The following STK32B variants were observed in gnomAD, a reference collection of about 807,000 sequenced individuals.
STK32B encodes serine/threonine-protein kinase 32B.
STK32B carries 43 observed loss-of-function variants against 52.6 expected under a neutral mutation model. The observed-to-expected ratio is 0.82, with a 90% CI of 0.64 to 1.05. STK32B has a LOEUF of 1.05. Ranked by LOEUF, STK32B falls within the 50% of genes least tolerant of loss-of-function variation. The pLI, the probability that STK32B is intolerant of heterozygous loss-of-function variation, is 0.00. For synonymous variants in STK32B, 238 were observed against 204.3 expected, an observed-to-expected ratio of 1.17 and a Z score of -1.41; for missense variants, 621 against 534.6, an observed-to-expected ratio of 1.16 and a Z score of -1.59.
At chr4:5,188,428 C>T (rs1014802959) in intron 3 of STK32B, among the ~76,000 whole-genome samples, 4 of 152,318 alleles carry the variant, frequency 2.6e-5, no homozygotes, top group Middle Eastern at 3.4e-3. Flanking sequence ...GTTTCCCTGA[C>T]GTCAGGCGCA....
chr4:5,411,876 C>A (rs561415508), intron 5 of STK32B, among the ~76,000 whole-genome samples: 1 of 152,134 alleles, frequency 6.6e-6, no homozygotes, highest in Non-Finnish European at 1.5e-5. Context: ...CCCAAACTGA[C>A]TAAGACATAG....
intron 3 of STK32B, among the ~76,000 whole-genome samples, chr4:5,254,010 C>G (rs1360220725): frequency 1.3e-5 from 2 of 152,138 alleles, no homozygotes; most frequent in Non-Finnish European, 2.9e-5. Context: ...TGGTCTTGAA[C>G]TCCTGACCTC....
At chr4:5,265,663 CTTAAAA>C (rs1727011470) in intron 3 of STK32B, among the ~76,000 whole-genome samples, 1 of 152,180 alleles carries the variant, frequency 6.6e-6, no homozygotes, top group East Asian at 1.9e-4. Flanking sequence ...TATTTATTAA[CTTAAAA>C]TTAAATATGC....
At chr4:5,443,210 G>A (rs550816315) in intron 6 of STK32B, among the ~76,000 whole-genome samples, 249 of 147,416 alleles carry the variant, frequency 1.7e-3, no homozygotes, top group Non-Finnish European at 3.0e-3. Flanking sequence ...TTTCCAACTT[G>A]GTTCCATTCT....
At chr4:5,337,144 A>C in intron 4 of STK32B, among the ~76,000 whole-genome samples, 1 of 39,708 alleles carries the variant, frequency 2.5e-5, no homozygotes, top group African/African-American at 6.5e-5. Flanking sequence ...ATCCCTGGCC[A>C]ATTTTTTTTT....
At chr4:5,218,803 T>C (rs1468434351) in intron 3 of STK32B, among the ~76,000 whole-genome samples, 2 of 152,230 alleles carry the variant, frequency 1.3e-5, no homozygotes, top group African/African-American at 4.8e-5. Context: ...TCAAGTGTTC[T>C]CCTGCTTTTG....
intron 11 of STK32B, among the ~76,000 whole-genome samples, chr4:5,488,902 A>G (rs73212755): frequency 0.088 from 13,330 of 152,094 alleles, 1,043 homozygotes; most frequent in African/African-American, 0.21. Context: ...TCAATAAAGA[A>G]TATATTTTAT....
chr4:5,385,523 G>T (rs757604247), intron 4 of STK32B, among the ~76,000 whole-genome samples: 1 of 152,012 alleles, frequency 6.6e-6, no homozygotes, highest in African/African-American at 2.4e-5. Context: ...GCTACATCAG[G>T]AAAGGCAGTG....
chr4:5,253,215 A>G (rs1726061418), intron 3 of STK32B, among the ~76,000 whole-genome samples: 1 of 152,132 alleles, frequency 6.6e-6, no homozygotes, highest in Non-Finnish European at 1.5e-5. Context: ...CCCTCTGTCT[A>G]GAGGGAGTTC....
intron 3 of STK32B, among the ~76,000 whole-genome samples, chr4:5,321,600 A>C (rs1731495555): frequency 6.6e-6 from 1 of 152,128 alleles, no homozygotes; most frequent in Admixed American, 6.6e-5. Context: ...CTCCTCTATC[A>C]GTCTTACCTG....
intron 6 of STK32B, among the ~76,000 whole-genome samples, chr4:5,431,059 C>A (rs1409566764): frequency 6.6e-6 from 1 of 152,180 alleles, no homozygotes; most frequent in Non-Finnish European, 1.5e-5. Flanking sequence ...TAGGGGTGAT[C>A]CTATCTTTCT....
intron 7 of STK32B, among the ~76,000 whole-genome samples, chr4:5,451,829 A>G (rs2109132351): frequency 6.6e-6 from 1 of 152,332 alleles, no homozygotes; most frequent in South Asian, 2.1e-4. Flanking sequence ...AACCACTGCC[A>G]TAGAACAACC....
chr4:5,406,766 G>T (rs1737710258), intron 5 of STK32B, among the ~76,000 whole-genome samples: 1 of 152,160 alleles, frequency 6.6e-6, no homozygotes, highest in African/African-American at 2.4e-5. Flanking sequence ...CAGAGCCCTG[G>T]ACCTGGCAGC....
intron 3 of STK32B, among the ~76,000 whole-genome samples, chr4:5,276,307 T>C (rs1727818772): frequency 6.6e-6 from 1 of 151,878 alleles, no homozygotes; most frequent in Non-Finnish European, 1.5e-5. Context: ...AAAAAAAAAT[T>C]CATTTAACCA....
At chr4:5,155,753 C>T (rs984444395) in intron 2 of STK32B, among the ~76,000 whole-genome samples, 2 of 152,252 alleles carry the variant, frequency 1.3e-5, no homozygotes, top group South Asian at 4.1e-4. Context: ...CCTGCTTTCC[C>T]TTCATCTTTC....
chr4:5,469,130 G>A lies in STK32B; in HGVS notation c.1106+1060G>A, dbSNP rs927410907. On this transcript the variant is annotated intron_variant, in intron 11 of 11. Coordinates refer to ENST00000282908, the MANE Select transcript of STK32B (RefSeq NM_018401.3). The surrounding 1 kb of genome is among the most constrained non-coding windows in gnomAD (Gnocchi z 4.7). ...AGCTGGGGCTCCAGCAGGGGCAGCC[G>A]ATGAGCCCCATTGGACCCACACTAA... is the stretch of plus-strand genomic sequence containing the variant. 1.3e-5 allele frequency among the ~76,000 whole-genome samples: 2 copies of A among 152,012 alleles called. No individual in the cohort carries two copies. Among genetic ancestry groups the A allele is most frequent in the African/African-American group, 2.4e-5 (1 of 41,376 alleles).
At chr4:5,050,259 A>T (rs1348165919), upstream of STK32B, among the ~76,000 whole-genome samples, 1 of 152,220 alleles carries the variant, frequency 6.6e-6, no homozygotes, top group East Asian at 1.9e-4. Flanking sequence ...ATTCTCACAG[A>T]CAACCCAAGG....
chr4:5,152,339 G>C (rs1038593073), intron 2 of STK32B, among the ~76,000 whole-genome samples: 1 of 152,194 alleles, frequency 6.6e-6, no homozygotes, highest in Non-Finnish European at 1.5e-5. Context: ...TTGCTTCCTT[G>C]TATTTTGCAA....
At chr4:5,390,159 AC>A (rs1736509173) in intron 4 of STK32B, among the ~76,000 whole-genome samples, 1 of 152,156 alleles carries the variant, frequency 6.6e-6, no homozygotes, top group African/African-American at 2.4e-5. Context: ...AGTGGTTGTT[AC>A]TGCAGTGGTG....
Sources: allele counts gnomAD v4.1 joint callset (sites outside exome capture counted in the v4.1 genomes callset), GRCh38; gene constraint gnomAD v4.1.1; non-coding constraint Gnocchi (gnomAD v3.1); transcripts MANE v1.5; gene names NCBI Gene and HGNC (gene_info 2026-07-23, HGNC 2026-07-21).